HYDIN: variants seen among roughly 807,000 people sequenced by gnomAD.
The protein encoded by HYDIN is HYDIN axonemal central pair apparatus protein, also known as axonemal central pair apparatus protein HYDIN.
Under a neutral mutation model 403.9 loss-of-function variants are expected in HYDIN, and 132 were observed. That is an observed-to-expected ratio of 0.33 (90% CI 0.28 to 0.38). The LOEUF (loss-of-function observed/expected upper bound fraction) is 0.38, where lower values mean the gene tolerates loss of function less well. HYDIN is among the 10% of genes least tolerant of loss of function. The probability of loss-of-function intolerance (pLI) is 1.00; values close to 1 mark genes in which losing one functional copy is unlikely to be tolerated. For synonymous variants in HYDIN, 1,202 were observed against 1,891.7 expected, an observed-to-expected ratio of 0.64 and a Z score of 9.46; for missense variants, 2,827 against 5,009.5, an observed-to-expected ratio of 0.56 and a Z score of 13.15.
chr16:71,116,392 T>A (rs2084034066), intron 9 of HYDIN, among the ~76,000 whole-genome samples: 1 of 152,378 alleles, frequency 6.6e-6, no homozygotes, highest in Non-Finnish European at 1.5e-5. Context: ...GTGAATAATA[T>A]TCCATTGTAT....
chr16:70,887,589 C>T (rs1223201417), intron 58 of HYDIN, among the ~76,000 whole-genome samples: 42 of 152,098 alleles, frequency 2.8e-4, no homozygotes, highest in Non-Finnish European at 1.0e-4. Context: ...ATGTGTAATA[C>T]TTTAAGCTTC....
At chr16:70,832,667 G>A (rs141599834) in intron 80 of HYDIN, among the ~76,000 whole-genome samples, 181 bp downstream of exon 80, 1 of 152,230 alleles carries the variant, frequency 6.6e-6, no homozygotes, top group Non-Finnish European at 1.5e-5. Context: ...GATGAGAGCT[G>A]AAGAATGGAA....
At chr16:70,930,248 A>G (rs1465052882) in intron 45 of HYDIN, among the ~76,000 whole-genome samples, 1 of 152,274 alleles carries the variant, frequency 6.6e-6, no homozygotes, top group Non-Finnish European at 1.5e-5. Context: ...TCAGAGGCCG[A>G]GGTGGGAGGG....
chr16:70,843,048 T>G (rs1230503641), intron 75 of HYDIN, among the ~76,000 whole-genome samples: 1 of 151,690 alleles, frequency 6.6e-6, no homozygotes. Flanking sequence ...TATTTATTCT[T>G]TTTTTTATTA....
chr16:70,876,246 T>C (rs1206347701), intron 62 of HYDIN, among the ~76,000 whole-genome samples: 2 of 147,212 alleles, frequency 1.4e-5, no homozygotes, highest in Admixed American at 1.4e-4. Flanking sequence ...AGCGCAGTGG[T>C]GAAATCTTGG....
chr16:71,120,972 T>C (rs1332516914), intron 9 of HYDIN, among the ~76,000 whole-genome samples: 2 of 151,568 alleles, frequency 1.3e-5, no homozygotes, highest in African/African-American at 4.9e-5. Context: ...TGTATTTAAC[T>C]ACAAATCATA....
chr16:71,172,932 C>T (rs1460247452), intron 5 of HYDIN, among the ~76,000 whole-genome samples: 1 of 152,178 alleles, frequency 6.6e-6, no homozygotes, highest in Non-Finnish European at 1.5e-5. Flanking sequence ...TCTAGTCACT[C>T]ATTGGCTGCA....
intron 71 of HYDIN, among the ~76,000 whole-genome samples, chr16:70,859,170 G>C (rs575797498): frequency 6.6e-6 from 1 of 151,962 alleles, no homozygotes; most frequent in African/African-American, 2.4e-5. Context: ...GCGTGGTGGC[G>C]GGCGCTTGTA....
At chr16:70,970,407 G>T in intron 36 of HYDIN, 113 bp downstream of exon 36, 2 of 611,646 alleles carry the variant, frequency 3.3e-6, no homozygotes, top group Non-Finnish European at 5.8e-6. Context: ...TCAGGTCAAG[G>T]GAAGTAGGTC....
chr16:71,227,735 C>A (rs2041102615), intron 1 of HYDIN, among the ~76,000 whole-genome samples: 1 of 152,132 alleles, frequency 6.6e-6, no homozygotes, highest in Non-Finnish European at 1.5e-5. Context: ...GCCATACTGC[C>A]CAAGGTAATT....
intron 7 of HYDIN, among the ~76,000 whole-genome samples, chr16:71,139,241 CTGGTTAGACACT>C (rs1224766220): frequency 6.6e-6 from 1 of 151,952 alleles, no homozygotes; most frequent in Non-Finnish European, 1.5e-5. Context: ...TAATTATTGA[CTGGTTAGACACT>C]TGGTGAAAGA....
intron 13 of HYDIN, among the ~76,000 whole-genome samples, chr16:71,078,375 C>T (rs892089136): frequency 1.3e-5 from 2 of 152,064 alleles, no homozygotes; most frequent in Non-Finnish European, 2.9e-5. Flanking sequence ...ATGTTTTCCC[C>T]CAACTCATCC....
At chr16:71,018,519 AG>A in intron 22 of HYDIN, 77 bp from the exon 23 acceptor site, 1 of 595,560 alleles carries the variant, frequency 1.7e-6, no homozygotes, top group Non-Finnish European at 3.0e-6. Context: ...CAGGACAGCC[AG>A]GTATTTACAC....
chr16:71,185,838 T>A (rs2087122698), intron 2 of HYDIN, among the ~76,000 whole-genome samples: 1 of 152,188 alleles, frequency 6.6e-6, no homozygotes, highest in Admixed American at 6.6e-5. Context: ...TTTGAGGGTA[T>A]ATAACTTAGC....
rs1597203790 is a variant in HYDIN, at chr16:70,879,436, T to C, written c.10418A>G (p.Asn3473Ser). Residue 3473 changes from asparagine (N) to serine (S), a missense_variant, in exon 62 of 86, where the codon AAC becomes AGC. Asn to Ser is a conservative substitution (Grantham distance 46, BLOSUM62 1). Coordinates refer to ENST00000393567, the MANE Select transcript of HYDIN (RefSeq NM_001270974.2). ...CCGCACAACCGTCACTCGAGGGAGG[T>C]TCCCCTCACCAGCGATGTCAAACAC... ...GLVFDIAGEG[N>S]LPRVTVVRPV... 2 of 1,612,310 alleles carry C rather than the reference T, an allele frequency of 1.2e-6. No individual in the cohort carries two copies. The highest frequency in any genetic ancestry group is 1.7e-6 in the Non-Finnish European group (2 of 1,179,120).
Position 71,179,021 on chromosome 16 carries a change from T to C in HYDIN, c.288A>G (p.Ala96=), listed in dbSNP as rs989227174. Residue 96 remains alanine, a synonymous_variant, in exon 4 of 86, where the codon GCA becomes GCG. Transcript: ENST00000393567. ...QKFSGIDLDQ[A]LFQPFPSEII... The stretch of plus-strand genomic sequence containing the variant: ...TTTCTGATGGAAAGGGCTGGAATAA[T>C]GCCTGATCCAGGTCAATTCCTGAAA... The C allele has an allele frequency of 3.1e-6, 5 of 1,612,018 alleles. No individual in the cohort carries two copies. The Admixed American group carries it at 5.0e-5, about 16-fold the overall frequency.
At chr16:70,934,858 A>C (rs1175357396) in intron 45 of HYDIN, among the ~76,000 whole-genome samples, 3 of 152,114 alleles carry the variant, frequency 2.0e-5, no homozygotes, top group African/African-American at 7.2e-5. Flanking sequence ...GCTCCTACTT[A>C]AAACAGATTC....
intron 19 of HYDIN, among the ~76,000 whole-genome samples, chr16:71,028,503 A>G (rs1257079444): frequency 4.6e-5 from 7 of 150,782 alleles, no homozygotes; most frequent in African/African-American, 1.5e-4. Context: ...GCTATTTGCT[A>G]AAAAAAAAAC....
chr16:71,179,351 A>C (rs1195381156), intron 3 of HYDIN, among the ~76,000 whole-genome samples: 1 of 152,054 alleles, frequency 6.6e-6, no homozygotes, highest in Non-Finnish European at 1.5e-5. Context: ...AAAAAAAAAA[A>C]CAAACCTCTG....
Sources: gnomAD v4.1 joint callset for allele counts (sites outside exome capture counted in the v4.1 genomes callset) on GRCh38, gnomAD v4.1.1 for gene constraint, MANE v1.5 for transcripts, NCBI Gene and HGNC (gene_info 2026-07-23, HGNC 2026-07-21) for gene names.